Variants in FBXL7 observed in about 807,000 individuals in gnomAD.
FBXL7 encodes the protein F-box and leucine rich repeat protein 7.
FBXL7 carries 12 observed loss-of-function variants against 38.3 expected under a neutral mutation model. The observed-to-expected ratio is 0.31, with a 90% CI of 0.20 to 0.51. FBXL7 has a LOEUF of 0.51. FBXL7 is among the 20% of genes least tolerant of loss of function. The pLI, the probability that FBXL7 is intolerant of heterozygous loss-of-function variation, is 0.98. For synonymous variants in FBXL7, 297 were observed against 300.9 expected (o/e 0.99, Z 0.13); for missense variants, 567 against 676.4 (o/e 0.84, Z 1.79).
chr5:15,875,697 A>G (rs1740172752), intron 2 of FBXL7, among the ~76,000 whole-genome samples: 2 of 152,218 alleles, frequency 1.3e-5, no homozygotes, highest in Non-Finnish European at 1.5e-5. Context: ...CAAAACCACA[A>G]TGAAATACCA....
intron 2 of FBXL7, among the ~76,000 whole-genome samples, chr5:15,811,615 C>G (rs976987735): frequency 6.6e-6 from 1 of 151,934 alleles, no homozygotes; most frequent in Non-Finnish European, 1.5e-5. Flanking sequence ...CAGCCAATAA[C>G]AGTGTTCCAT....
chr5:15,608,773 G>C (rs541820513), intron 1 of FBXL7, among the ~76,000 whole-genome samples: 1 of 152,114 alleles, frequency 6.6e-6, no homozygotes. Flanking sequence ...AGACTTGCCA[G>C]CCCCAACTAT....
intron 1 of FBXL7, among the ~76,000 whole-genome samples, chr5:15,502,773 A>T (rs569563767): frequency 6.6e-6 from 1 of 152,330 alleles, no homozygotes; most frequent in East Asian, 1.9e-4. Context: ...TTGTTATTCC[A>T]TGGTAGATTG....
chr5:15,521,636 ACTC>A (rs1737098869), intron 1 of FBXL7, among the ~76,000 whole-genome samples: 1 of 152,078 alleles, frequency 6.6e-6, no homozygotes, highest in Non-Finnish European at 1.5e-5. Context: ...CACAGAGCCT[ACTC>A]CTCTTTGGAT....
chr5:15,679,161 C>T (rs2126607775), intron 2 of FBXL7, among the ~76,000 whole-genome samples: 1 of 152,278 alleles, frequency 6.6e-6, no homozygotes, highest in South Asian at 2.1e-4. Flanking sequence ...TCTGCCAGGG[C>T]ATTATAGACA....
At chr5:15,599,962 G>A (rs1739743274) in intron 1 of FBXL7, among the ~76,000 whole-genome samples, 1 of 152,156 alleles carries the variant, frequency 6.6e-6, no homozygotes, top group Non-Finnish European at 1.5e-5. Flanking sequence ...ATAACACAGG[G>A]ATTTATACTG....
At chr5:15,518,730 G>A (rs1157704755) in intron 1 of FBXL7, among the ~76,000 whole-genome samples, 1 of 152,174 alleles carries the variant, frequency 6.6e-6, no homozygotes, top group African/African-American at 2.4e-5. Context: ...TAAGTTGGTT[G>A]TTGAGGCCGG....
At chr5:15,780,145 C>T (rs186372307) in intron 2 of FBXL7, among the ~76,000 whole-genome samples, 1 of 152,034 alleles carries the variant, frequency 6.6e-6, no homozygotes, top group Non-Finnish European at 1.5e-5. Flanking sequence ...ACAGTTTGCA[C>T]GGCTGTGTCT....
intron 2 of FBXL7, among the ~76,000 whole-genome samples, chr5:15,663,873 G>C (rs1275800838): frequency 6.6e-6 from 1 of 152,116 alleles, no homozygotes; most frequent in Admixed American, 6.5e-5. Flanking sequence ...TTTATAGGCA[G>C]GTCTTGCTTT....
chr5:15,586,835 G>C (rs1739322138), intron 1 of FBXL7, among the ~76,000 whole-genome samples: 2 of 152,160 alleles, frequency 1.3e-5, no homozygotes, highest in African/African-American at 2.4e-5. Context: ...AATTTTAATA[G>C]AATAGAGACC....
intron 2 of FBXL7, among the ~76,000 whole-genome samples, chr5:15,749,893 A>G (rs1347290550): frequency 6.6e-6 from 1 of 152,214 alleles, no homozygotes; most frequent in Admixed American, 6.5e-5. Context: ...CTCATTAGGC[A>G]GATGACACCT....
chr5:15,772,960 T>C (rs1468540706), intron 2 of FBXL7, among the ~76,000 whole-genome samples: 1 of 152,018 alleles, frequency 6.6e-6, no homozygotes, highest in Non-Finnish European at 1.5e-5. Flanking sequence ...AGTACTGAGA[T>C]TGTGGCTCAC....
chr5:15,571,978 G>T (rs1432963024), intron 1 of FBXL7, among the ~76,000 whole-genome samples: 1 of 152,060 alleles, frequency 6.6e-6, no homozygotes, highest in Non-Finnish European at 1.5e-5. Flanking sequence ...AGAGCTTCCA[G>T]GTTCCGATTT....
chr5:15,876,636 A>G (rs1740220864), intron 2 of FBXL7, among the ~76,000 whole-genome samples: 2 of 152,164 alleles, frequency 1.3e-5, no homozygotes, highest in Non-Finnish European at 1.5e-5. Flanking sequence ...AAAATAAGAA[A>G]CTGACTTTAC....
intron 2 of FBXL7, among the ~76,000 whole-genome samples, chr5:15,843,766 A>G (rs189126591): frequency 6.6e-6 from 1 of 151,650 alleles, no homozygotes; most frequent in African/African-American, 2.4e-5. Flanking sequence ...AGAAGGTGTC[A>G]GATGAATAAT....
intron 2 of FBXL7, among the ~76,000 whole-genome samples, chr5:15,766,989 T>C (rs1736608710): frequency 6.6e-6 from 1 of 152,350 alleles, no homozygotes; most frequent in Non-Finnish European, 1.5e-5. Context: ...TCTTTTTTTT[T>C]CTGTTTCTTT....
intron 2 of FBXL7, among the ~76,000 whole-genome samples, chr5:15,712,400 T>G (rs1554016373): frequency 6.7e-6 from 1 of 148,356 alleles, no homozygotes; most frequent in Non-Finnish European, 1.5e-5. Context: ...CCAAAGAAAC[T>G]GAAAAACCTG....
At chr5:15,545,568 CCCTTT>C (rs1737872513) in intron 1 of FBXL7, among the ~76,000 whole-genome samples, 1 of 152,108 alleles carries the variant, frequency 6.6e-6, no homozygotes, top group African/African-American at 2.4e-5. Context: ...CTCAATTTCC[CCCTTT>C]CCTTAATACT....
At chr5:15,864,834 A>G (rs1739635853) in intron 2 of FBXL7, among the ~76,000 whole-genome samples, 1 of 152,236 alleles carries the variant, frequency 6.6e-6, no homozygotes. Flanking sequence ...AAGAAATATT[A>G]TTATATCTAA....
Sources: allele counts gnomAD v4.1 joint callset (sites outside exome capture counted in the v4.1 genomes callset), GRCh38; gene constraint gnomAD v4.1.1; transcripts MANE v1.5; gene names NCBI Gene and HGNC (gene_info 2026-07-23, HGNC 2026-07-21).